Variants in XKR9 observed in about 807,000 individuals in gnomAD.
XKR9 encodes the protein XK-related protein 9.
In XKR9, 32 loss-of-function variants were observed where a neutral mutation model predicts 32.0. The observed-to-expected ratio is 1.00, with a 90% CI of 0.76 to 1.34. XKR9 has a LOEUF of 1.34. Ranked by LOEUF, XKR9 falls within the 40% of genes most tolerant of loss-of-function variation. The pLI is 0.00. For synonymous variants in XKR9, 168 were observed against 143.4 expected (o/e 1.17, Z -1.22); for missense variants, 546 against 429.7 (o/e 1.27, Z -2.39).
At chr8:71,026,225 T>C in the XKR9 span, among the ~76,000 whole-genome samples, 65,848 of 152,090 alleles carry the variant, frequency 0.43, 15,315 homozygotes, top group Non-Finnish European at 0.53. Flanking sequence ...CTCCAAACTA[T>C]CCTCATATTT....
At chr8:70,915,723 A>G in the XKR9 span, among the ~76,000 whole-genome samples, 1 of 152,198 alleles carries the variant, frequency 6.6e-6, no homozygotes, top group Non-Finnish European at 1.5e-5. Flanking sequence ...TTTAAAGGAA[A>G]CTAAAATATT....
chr8:71,005,192 T>C, the XKR9 span, among the ~76,000 whole-genome samples: 1 of 150,936 alleles, frequency 6.6e-6, no homozygotes, highest in African/African-American at 2.4e-5. Context: ...AATTTAACTT[T>C]TCTGGGGCTC....
the XKR9 span, among the ~76,000 whole-genome samples, chr8:70,901,441 G>C: frequency 2.0e-5 from 3 of 152,268 alleles, no homozygotes; most frequent in African/African-American, 7.2e-5. Flanking sequence ...GTGTCTGTTG[G>C]CTGCATAAAT....
At chr8:70,777,344 T>A (rs1007292131) in intron 2 of XKR9, among the ~76,000 whole-genome samples, 5 of 152,194 alleles carry the variant, frequency 3.3e-5, no homozygotes. Context: ...ATTTTCTTTA[T>A]CCAGTCTATT....
At chr8:70,814,566 A>G in the XKR9 span, among the ~76,000 whole-genome samples, 4 of 152,012 alleles carry the variant, frequency 2.6e-5, no homozygotes, top group Admixed American at 1.3e-4. Flanking sequence ...TCTGATAAAA[A>G]CCCTCAACAA....
the XKR9 span, among the ~76,000 whole-genome samples, chr8:70,927,912 C>T: frequency 6.6e-6 from 1 of 152,146 alleles, no homozygotes; most frequent in Non-Finnish European, 1.5e-5. Flanking sequence ...AAATGCTCTC[C>T]ATTCTAATTT....
the XKR9 span, among the ~76,000 whole-genome samples, chr8:70,862,636 ATATATT>A: frequency 4.0e-5 from 6 of 151,062 alleles, no homozygotes; most frequent in Admixed American, 6.6e-5. Flanking sequence ...TACATCTAAT[ATATATT>A]TATATTTATA....
chr8:70,896,476 C>T, the XKR9 span, among the ~76,000 whole-genome samples: 9 of 151,202 alleles, frequency 6.0e-5, no homozygotes, highest in Non-Finnish European at 4.4e-5. Flanking sequence ...TATGGGCCGA[C>T]GGTCGTTTGT....
intron 4 of XKR9, among the ~76,000 whole-genome samples, chr8:70,723,909 G>T (rs926017013): frequency 6.9e-6 from 1 of 144,442 alleles, no homozygotes; most frequent in Non-Finnish European, 1.5e-5. Flanking sequence ...TTTTTGAGAC[G>T]GAGTGTCGCT....
intron 3 of XKR9, chr8:70,683,441 T>G: frequency 2.3e-6 from 1 of 426,228 alleles, no homozygotes; most frequent in Non-Finnish European, 4.6e-6. Flanking sequence ...TTATACTCTC[T>G]TTATTTTTTA....
chr8:71,043,853 T>TA, the XKR9 span, among the ~76,000 whole-genome samples: 1 of 152,138 alleles, frequency 6.6e-6, no homozygotes, highest in Admixed American at 6.5e-5. Context: ...TATTGATATA[T>TA]AAAAAACGTA....
the XKR9 span, among the ~76,000 whole-genome samples, chr8:70,866,010 C>A: frequency 1.3e-5 from 2 of 152,120 alleles, no homozygotes; most frequent in East Asian, 3.8e-4. Context: ...TGTAATATAC[C>A]TTGAGCTGGT....
the XKR9 span, among the ~76,000 whole-genome samples, chr8:70,879,508 C>T: frequency 1.4e-4 from 21 of 152,092 alleles, no homozygotes; most frequent in Non-Finnish European, 2.5e-4. Flanking sequence ...TACAAACTAC[C>T]ATCAGAGAAT....
chr8:71,018,781 A>T, the XKR9 span, among the ~76,000 whole-genome samples: 14,133 of 152,280 alleles, frequency 0.093, 734 homozygotes, highest in African/African-American at 0.14. Context: ...AATTAAAAAA[A>T]CTTTAAAATA....
At position 70,757,528 on chromosome 8, in the gene XKR9, T is replaced by C. The variant is rs75929452; in HGVS notation, n.353-31811T>C. On this transcript the variant is annotated intron_variant and non_coding_transcript_variant, in intron 2 of 3. Transcript: ENST00000520273. ...TATTTGGTATAATATTGTCAATATATCTTTCTTTACTTCTTTCATCATGTA... is the reference window on the plus strand; with the variant it reads ...TATTTGGTATAATATTGTCAATATACCTTTCTTTACTTCTTTCATCATGTA... Among the ~76,000 whole-genome samples the C allele has an allele frequency of 5.4e-3, 828 of 152,094 alleles. 12 individuals carry two copies. The highest frequency in any genetic ancestry group is 0.019 in the African/African-American group (794 of 41,406).
At chr8:70,739,869 A>C (rs1388990373), downstream of XKR9, among the ~76,000 whole-genome samples, 1 of 152,160 alleles carries the variant, frequency 6.6e-6, no homozygotes, top group Non-Finnish European at 1.5e-5. Context: ...CTTTGTGGGT[A>C]ACCCAACCTT....
the XKR9 span, among the ~76,000 whole-genome samples, chr8:70,799,340 A>AT: frequency 5.3e-4 from 80 of 151,620 alleles, 1 homozygote; most frequent in East Asian, 0.011. Flanking sequence ...TTATTTATTT[A>AT]TTTTTTTTGA....
chr8:71,053,938 TAGAG>T, the XKR9 span, among the ~76,000 whole-genome samples: 1 of 152,214 alleles, frequency 6.6e-6, no homozygotes, highest in Non-Finnish European at 1.5e-5. Context: ...ACGAATCACA[TAGAG>T]AGCTTGTTTT....
chr8:70,901,985 T>A, the XKR9 span, among the ~76,000 whole-genome samples: 37 of 152,342 alleles, frequency 2.4e-4, no homozygotes, highest in East Asian at 6.2e-3. Flanking sequence ...GGGGTATTAT[T>A]TCTGAGGTCT....
Sources: gnomAD v4.1 joint callset for allele counts (sites outside exome capture counted in the v4.1 genomes callset) on GRCh38, gnomAD v4.1.1 for gene constraint, MANE v1.5 for transcripts, NCBI Gene and HGNC (gene_info 2026-07-23, HGNC 2026-07-21) for gene names.